The following IPCEF1 variants were observed in gnomAD, a reference collection of about 807,000 sequenced individuals.
IPCEF1 encodes interactor protein for cytohesin exchange factors 1.
IPCEF1 carries 31 observed loss-of-function variants against 50.9 expected under a neutral mutation model. The ratio of observed to expected loss-of-function variants is 0.61; its 90% CI spans 0.46 to 0.82. The LOEUF (loss-of-function observed/expected upper bound fraction) is 0.82, where lower values mean the gene tolerates loss of function less well. Ranked by LOEUF, IPCEF1 falls within the 40% of genes least tolerant of loss-of-function variation. The pLI, the probability that IPCEF1 is intolerant of heterozygous loss-of-function variation, is 0.00. For missense variants in IPCEF1, 458 were observed against 514.0 expected (o/e 0.89, Z 1.05); for synonymous variants, 181 against 192.0 (o/e 0.94, Z 0.47).
At chr6:154,215,464 G>A in intron 7 of IPCEF1, among the ~76,000 whole-genome samples, 1 of 151,966 alleles carries the variant, frequency 6.6e-6, no homozygotes, top group Non-Finnish European at 1.5e-5. Context: ...AAATTAGCCG[G>A]GTGTGGTGGC....
At chr6:154,327,560 C>CA (rs1017305595) in intron 1 of IPCEF1, among the ~76,000 whole-genome samples, 3 of 151,722 alleles carry the variant, frequency 2.0e-5, no homozygotes, top group Non-Finnish European at 4.4e-5. Context: ...AATAAAAAGG[C>CA]AAAAAAACAA....
chr6:154,339,437 A>ATTT (rs201885601), intron 1 of IPCEF1, among the ~76,000 whole-genome samples: 2 of 143,304 alleles, frequency 1.4e-5, no homozygotes, highest in African/African-American at 5.1e-5. Flanking sequence ...TTAATCTTTA[A>ATTT]TTTTTTTTTT....
At chr6:154,207,170 G>A (rs1194776417) in intron 9 of IPCEF1, among the ~76,000 whole-genome samples, 1 of 152,234 alleles carries the variant, frequency 6.6e-6, no homozygotes, top group African/African-American at 2.4e-5. Flanking sequence ...AGGCAGGAGA[G>A]AGGCTGGGGG....
In IPCEF1 at chr6:154,266,564, A is replaced by C. The variant is rs905811836; in HGVS notation, c.-17-600T>G. 4.4e-3 allele frequency among the ~76,000 whole-genome samples: 432 copies of C among 98,444 alleles called. 3 individuals are homozygous for C. Among genetic ancestry groups the C allele is most frequent in the Non-Finnish European group, 3.6e-3 (172 of 47,338 alleles). 64.6% of individuals were successfully genotyped at this position (98,444 alleles called of 152,430 possible). ...TGATTTACACACTTAATATTACTAT[A>C]TATATATATATATATATATATACAC... On this transcript the variant is annotated intron_variant, in intron 2 of 11. Coordinates refer to ENST00000367220, the MANE Select transcript of IPCEF1 (RefSeq NM_001130700.2).
At chr6:154,212,744 A>G (rs1778066703) in intron 9 of IPCEF1, 26 bp downstream of exon 9, 1 of 1,488,348 alleles carries the variant, frequency 6.7e-7, no homozygotes, top group Non-Finnish European at 9.4e-7. Context: ...ATCGATGACC[A>G]ACAGACTACT....
chr6:154,323,486 A>AGTATTTACAAATAAACGTTTATTTG (rs1783442726), intron 1 of IPCEF1, among the ~76,000 whole-genome samples: 1 of 152,222 alleles, frequency 6.6e-6, no homozygotes, highest in African/African-American at 2.4e-5. Context: ...ACGTTTATTT[A>AGTATTTACAAATAAACGTTTATTTG]GTATTTAGAA....
At chr6:154,201,689 G>A (rs966891181) in intron 9 of IPCEF1, among the ~76,000 whole-genome samples, 4 of 152,168 alleles carry the variant, frequency 2.6e-5, no homozygotes, top group Non-Finnish European at 4.4e-5. Context: ...GAGGTGAGGA[G>A]TTCAAGACCA....
At chr6:154,170,333 CA>C (rs1337945333) in intron 10 of IPCEF1, among the ~76,000 whole-genome samples, 4 of 152,154 alleles carry the variant, frequency 2.6e-5, no homozygotes, top group African/African-American at 9.7e-5. Flanking sequence ...ACTAGAAAAA[CA>C]GCCTCTCCAT....
chr6:154,223,707 T>G (rs750948715), intron 5 of IPCEF1, among the ~76,000 whole-genome samples: 1 of 152,236 alleles, frequency 6.6e-6, no homozygotes, highest in Non-Finnish European at 1.5e-5. Flanking sequence ...ATTCCTATCA[T>G]GGATTGACCA....
chr6:154,310,053 C>CTTT (rs1274524133), intron 1 of IPCEF1, among the ~76,000 whole-genome samples: 7 of 152,300 alleles, frequency 4.6e-5, no homozygotes, highest in African/African-American at 1.4e-4. Context: ...CGTGAGCCAC[C>CTTT]ACACCCGGCC....
In IPCEF1 at chr6:154,289,645, C is replaced by G. The variant is rs750021707; in HGVS notation, c.-18+68G>C. 2.6e-5 allele frequency: 4 copies of G among 151,816 alleles called. No homozygotes were observed. The East Asian group carries it at 7.7e-4, about 29-fold the overall frequency. 9.4% of individuals were successfully genotyped at this position (151,816 alleles called of 1,614,324 possible). A position where few individuals can be genotyped will look rare whatever the true frequency, so the allele number is the denominator to read the frequency against. On this transcript the variant is annotated intron_variant, in intron 2 of 11. Coordinates refer to ENST00000367220, the MANE Select transcript of IPCEF1 (RefSeq NM_001130700.2). Reference sequence around the variant, plus strand: ...CAAACTAGAATAACAAAGTGAAACTCAAGCTTTTCAAGTCATAAATATCAC... The same window carrying G: ...CAAACTAGAATAACAAAGTGAAACTGAAGCTTTTCAAGTCATAAATATCAC...
intron 10 of IPCEF1, among the ~76,000 whole-genome samples, chr6:154,188,904 G>C (rs10457903): frequency 0.083 from 12,590 of 152,146 alleles, 984 homozygotes; most frequent in East Asian, 0.42. Context: ...ATATCTTTAA[G>C]ATACCAGTGT....
rs140096033 is a variant in IPCEF1, at chr6:154,191,672, T to TCAACAA, written c.910+7990_910+7995dup. On this transcript the variant is annotated intron_variant, in intron 10 of 11. Transcript: ENST00000367220. ...CTGGGTGACAGAGTGAGACTTTGCC[T>TCAACAA]CAACAACAACAACAACAACAACAAC... 1.5e-3 allele frequency among the ~76,000 whole-genome samples: 224 copies of TCAACAA among 149,688 alleles called. 1 individual carries two copies. Among genetic ancestry groups the TCAACAA allele is most frequent in the Non-Finnish European group, 1.9e-3 (131 of 67,530 alleles).
At chr6:154,295,987 C>T (rs1782647520) in intron 1 of IPCEF1, among the ~76,000 whole-genome samples, 1 of 152,218 alleles carries the variant, frequency 6.6e-6, no homozygotes, top group African/African-American at 2.4e-5. Context: ...TGTTAGCACA[C>T]TGTCTTCCCT....
chr6:154,256,941 G>A lies in IPCEF1; in HGVS notation c.36+8971C>T, dbSNP rs376024340. On this transcript the variant is annotated intron_variant, in intron 3 of 11. Transcript: ENST00000367220. ...AGGTTTGTGTTAGATGATTTTGCCC[G>A]GTGGTGGGCTAATTTAAGTGTTCTG... Among the ~76,000 whole-genome samples, 117 of 152,252 alleles carry A rather than the reference G, an allele frequency of 7.7e-4. 2 individuals carry two copies. The Middle Eastern group carries it at 0.017, about 22-fold the overall frequency.
At chr6:154,197,856 T>C (rs1186540954) in intron 10 of IPCEF1, among the ~76,000 whole-genome samples, 1 of 152,202 alleles carries the variant, frequency 6.6e-6, no homozygotes, top group African/African-American at 2.4e-5. Context: ...ATTTTTTTAG[T>C]TCTACTTACG....
chr6:154,340,963 T>C (rs760825571), intron 1 of IPCEF1, among the ~76,000 whole-genome samples: 17 of 151,368 alleles, frequency 1.1e-4, no homozygotes, highest in Non-Finnish European at 1.3e-4. Flanking sequence ...TATTTATATA[T>C]CATATATACA....
At chr6:154,223,067 G>A (rs779313259) in intron 6 of IPCEF1, 103 bp downstream of exon 6, 99 of 895,150 alleles carry the variant, frequency 1.1e-4, no homozygotes, top group Non-Finnish European at 1.7e-4. Context: ...CAGACATTCC[G>A]ATGTTACCTT....
At chr6:154,226,051 T>A (rs572158627) in intron 5 of IPCEF1, among the ~76,000 whole-genome samples, 1 of 152,350 alleles carries the variant, frequency 6.6e-6, no homozygotes, top group African/African-American at 2.4e-5. Context: ...TTCCTCTAAC[T>A]ATGCCTTCTT....
Sources: allele counts gnomAD v4.1 joint callset (sites outside exome capture counted in the v4.1 genomes callset), GRCh38; gene constraint gnomAD v4.1.1; transcripts MANE v1.5; gene names NCBI Gene and HGNC (gene_info 2026-07-23, HGNC 2026-07-21).